PDE11A: variants seen among roughly 807,000 people sequenced by gnomAD.
PDE11A encodes dual 3',5'-cyclic-AMP and -GMP phosphodiesterase 11A.
PDE11A carries 100 observed loss-of-function variants against 100.5 expected under a neutral mutation model. The observed-to-expected ratio is 1.00, with a 90% confidence interval of 0.85 to 1.18. The LOEUF (loss-of-function observed/expected upper bound fraction) is 1.18, where lower values mean the gene tolerates loss of function less well. Among genes scored for constraint, PDE11A ranks in the 50% most tolerant of loss-of-function variants. The pLI, the probability that PDE11A is intolerant of heterozygous loss-of-function variation, is 0.00. For synonymous variants in PDE11A, 381 were observed against 420.8 expected, an observed-to-expected ratio of 0.91 and a Z score of 1.16; for missense variants, 1,141 against 1,152.6, an observed-to-expected ratio of 0.99 and a Z score of 0.15.
At chr2:178,074,086 G>A (rs920093), upstream of PDE11A, among the ~76,000 whole-genome samples, 50,103 of 151,956 alleles carry the variant, frequency 0.33, 8,862 homozygotes, top group Middle Eastern at 0.45. Flanking sequence ...CTCGAATGAA[G>A]CTTAAAAACA....
Position 177,858,699 on chromosome 2 carries a change from G to A in PDE11A, c.1367+17160C>T, listed in dbSNP as rs561613604. On this transcript the variant is annotated intron_variant, in intron 5 of 19. Coordinates refer to ENST00000286063, the MANE Select transcript of PDE11A (RefSeq NM_016953.4). ...GGAAGTCAGTGTGGTGATTCCTCAG[G>A]GATCTAGAACTAGAAATACCATTTG... Among the ~76,000 whole-genome samples the A allele has an allele frequency of 7.2e-3, 1,099 of 152,164 alleles. 13 individuals carry two copies. The highest frequency in any genetic ancestry group is 0.025 in the African/African-American group (1,023 of 41,516).
Position 177,841,386 on chromosome 2 carries a change from GCCTTATGTGGAA to G in PDE11A, c.1368-1015_1368-1004del, listed in dbSNP as rs534916815. 5.0e-3 allele frequency among the ~76,000 whole-genome samples: 763 copies of G among 152,308 alleles called. 3 individuals are homozygous for G. The highest frequency in any genetic ancestry group is 6.1e-3 in the Non-Finnish European group (414 of 68,030). On this transcript the variant is annotated intron_variant, in intron 5 of 19. Coordinates refer to ENST00000286063, the MANE Select transcript of PDE11A (RefSeq NM_016953.4). Reference sequence around the variant, plus strand: ...CATACTAGGGCAAGGTTTTCAAGCTGCCTTATGTGGAACCCTGGATTTCATGAGATGTTAAAT... The same window carrying G: ...CATACTAGGGCAAGGTTTTCAAGCTGCCCTGGATTTCATGAGATGTTAAAT...
chr2:177,856,811 C>T (rs2083842347), intron 5 of PDE11A, among the ~76,000 whole-genome samples: 1 of 151,850 alleles, frequency 6.6e-6, no homozygotes, highest in East Asian at 1.9e-4. Flanking sequence ...TGTGGGATAC[C>T]ATCAAGCATA....
At chr2:178,079,061 C>A (rs2087250646) in intron 2 of PDE11A, among the ~76,000 whole-genome samples, 1 of 152,122 alleles carries the variant, frequency 6.6e-6, no homozygotes. Flanking sequence ...CAATCCATAA[C>A]TAGTATTAAG....
chr2:177,720,502 A>G (rs1417561671), intron 12 of PDE11A, among the ~76,000 whole-genome samples: 1 of 152,158 alleles, frequency 6.6e-6, no homozygotes, highest in Non-Finnish European at 1.5e-5. Flanking sequence ...CGGCATTTAC[A>G]GTAAAGTTTG....
At chr2:177,660,343 T>C (rs2080467724) in intron 19 of PDE11A, among the ~76,000 whole-genome samples, 1 of 152,086 alleles carries the variant, frequency 6.6e-6, no homozygotes, top group East Asian at 1.9e-4. Context: ...CCACCTGGCA[T>C]GTTGGGAGAG....
chr2:177,894,092 T>C (rs1193881568), intron 4 of PDE11A, among the ~76,000 whole-genome samples: 1 of 152,210 alleles, frequency 6.6e-6, no homozygotes, highest in Non-Finnish European at 1.5e-5. Flanking sequence ...GTTTCCTGTT[T>C]ATCCTGGCTT....
intron 6 of PDE11A, among the ~76,000 whole-genome samples, chr2:177,836,097 C>A (rs2083393453): frequency 1.3e-5 from 2 of 152,262 alleles, no homozygotes; most frequent in South Asian, 4.1e-4. Context: ...ACCTGTGGCC[C>A]CAGTGCGGGA....
At chr2:177,680,246 G>C (rs2080842352) in intron 16 of PDE11A, among the ~76,000 whole-genome samples, 1 of 152,090 alleles carries the variant, frequency 6.6e-6, no homozygotes, top group Non-Finnish European at 1.5e-5. Context: ...GTAGAAGGAT[G>C]GGGTATGAGA....
chr2:177,898,334 T>C (rs1204548260), intron 3 of PDE11A, 136 bp from the exon 4 acceptor site: 1 of 658,714 alleles, frequency 1.5e-6, no homozygotes, highest in East Asian at 2.7e-5. Flanking sequence ...AATTTTATGA[T>C]TGTTTTGACA....
At chr2:178,071,057 T>C (rs146906236) in intron 1 of PDE11A, among the ~76,000 whole-genome samples, 136 of 152,332 alleles carry the variant, frequency 8.9e-4, no homozygotes, top group African/African-American at 3.1e-3. Flanking sequence ...AAGCACTTTG[T>C]TCTCTTTCCA....
chr2:177,631,981 A>G (rs1257390948), intron 19 of PDE11A, among the ~76,000 whole-genome samples: 3 of 152,102 alleles, frequency 2.0e-5, no homozygotes, highest in African/African-American at 7.2e-5. Context: ...CCTTTCCATC[A>G]CAGGAGGAAG....
intron 18 of PDE11A, among the ~76,000 whole-genome samples, chr2:177,665,441 T>C (rs1271381700): frequency 4.0e-5 from 6 of 150,638 alleles, no homozygotes; most frequent in Non-Finnish European, 8.8e-5. Context: ...AATCATGTCG[T>C]TGCATTCCAG....
intron 12 of PDE11A, among the ~76,000 whole-genome samples, chr2:177,712,083 C>G (rs2081366607): frequency 6.6e-6 from 1 of 152,256 alleles, no homozygotes; most frequent in Admixed American, 6.5e-5. Flanking sequence ...GCTGTCACAG[C>G]AGCCCACGCT....
At chr2:177,709,114 C>A (rs116785264) in intron 13 of PDE11A, among the ~76,000 whole-genome samples, 1 of 152,040 alleles carries the variant, frequency 6.6e-6, no homozygotes, top group African/African-American at 2.4e-5. Context: ...GGGTGAGCTG[C>A]GGCGAGTGGG....
At chr2:177,988,254 C>A (rs2085963617) in intron 2 of PDE11A, among the ~76,000 whole-genome samples, 1 of 152,142 alleles carries the variant, frequency 6.6e-6, no homozygotes, top group South Asian at 2.1e-4. Context: ...AACTCTGTGG[C>A]CAACACAAAT....
chr2:177,668,220 G>A (rs1007382766), intron 18 of PDE11A, among the ~76,000 whole-genome samples: 3 of 152,108 alleles, frequency 2.0e-5, no homozygotes, highest in African/African-American at 7.2e-5. Flanking sequence ...CACCAGTGCT[G>A]GCAATTTACT....
intron 5 of PDE11A, among the ~76,000 whole-genome samples, chr2:177,873,014 C>T (rs1403291880): frequency 6.6e-6 from 1 of 152,186 alleles, no homozygotes; most frequent in Non-Finnish European, 1.5e-5. Flanking sequence ...AGGCACTTTT[C>T]AAATGTCTCT....
chr2:177,925,270 T>G lies in PDE11A; in HGVS notation c.1072-20083A>C, dbSNP rs1349364718. ...AGTAATGGGAAGGCTGGGTCAAATG[T>G]TATTTCTAGTTCTAGATCCCTGAGG... On this transcript the variant is annotated intron_variant, in intron 2 of 19. Coordinates refer to ENST00000286063, the MANE Select transcript of PDE11A (RefSeq NM_016953.4). Among the ~76,000 whole-genome samples the G allele has an allele frequency of 6.6e-5, 10 of 151,946 alleles. No individual in the cohort carries two copies. The East Asian group carries it at 1.2e-3, about 18-fold the overall frequency.
Sources: gnomAD v4.1 joint callset for allele counts (sites outside exome capture counted in the v4.1 genomes callset) on GRCh38, gnomAD v4.1.1 for gene constraint, MANE v1.5 for transcripts, NCBI Gene and HGNC (gene_info 2026-07-23, HGNC 2026-07-21) for gene names.